The following BRWD1 variants were observed in gnomAD, a reference collection of about 807,000 sequenced individuals.
The protein encoded by BRWD1 is bromodomain and WD repeat-containing protein 1.
A neutral mutation model predicts 251.2 loss-of-function variants in BRWD1; 82 were observed. The observed-to-expected ratio is 0.33, with a 90% CI of 0.27 to 0.39. The LOEUF (loss-of-function observed/expected upper bound fraction) is 0.39. Among genes scored for constraint, BRWD1 ranks in the 10% least tolerant of loss-of-function variants. The pLI is 1.00. For synonymous variants in BRWD1, 918 were observed against 902.8 expected (o/e 1.02, Z -0.30); for missense variants, 2,233 against 2,711.6 (o/e 0.82, Z 3.92).
At chr21:39,290,655 A>G (rs1568958942) in intron 8 of BRWD1, among the ~76,000 whole-genome samples, 1 of 152,222 alleles carries the variant, frequency 6.6e-6, no homozygotes. Context: ...GCACTCTCTC[A>G]AAGTATAAAT....
chr21:39,184,697 AAAGT>A (rs1320098602), downstream of BRWD1: 2 of 152,260 alleles, frequency 1.3e-5, no homozygotes, highest in African/African-American at 2.4e-5. Context: ...CTGCAAAAAT[AAAGT>A]GAGTTTGGAA....
chr21:39,286,669 C>T (rs1038376439), intron 8 of BRWD1, among the ~76,000 whole-genome samples: 1 of 152,012 alleles, frequency 6.6e-6, no homozygotes, highest in Non-Finnish European at 1.5e-5. Flanking sequence ...TGCCCGCCAC[C>T]ATGCCCGGCT....
chr21:39,192,498 C>T lies in BRWD1; in HGVS notation c.*3761G>A. The T allele has an allele frequency of 2.0e-6, 2 of 985,114 alleles. No homozygotes were observed. The highest frequency in any genetic ancestry group is 2.4e-6 in the Non-Finnish European group (2 of 829,708). The allele number at this position is 985,114 out of a possible 1,614,324, so 61.0% of individuals were successfully genotyped here. A position where few individuals can be genotyped will look rare whatever the true frequency, so the allele number is the denominator to read the frequency against. On this transcript the variant is annotated 3_prime_UTR_variant, in exon 41 of 41. Coordinates refer to ENST00000342449, the MANE Select transcript of BRWD1 (RefSeq NM_033656.4). The stretch of plus-strand genomic sequence containing the variant: ...CAGAAATTCAGAGGTATAACTTCAA[C>T]ATTAACAGGTGAAAAGTTCTACAAT...
intron 11 of BRWD1, among the ~76,000 whole-genome samples, chr21:39,276,478 A>G (rs576229732): frequency 6.6e-6 from 1 of 152,388 alleles, no homozygotes; most frequent in Non-Finnish European, 1.5e-5. Flanking sequence ...AGCAGTATTT[A>G]TAATTACATC....
At chr21:39,203,434 G>GTTTTTTTTT (rs2032210759) in intron 37 of BRWD1, among the ~76,000 whole-genome samples, 6 of 64,284 alleles carry the variant, frequency 9.3e-5, no homozygotes, top group Admixed American at 1.7e-4. Context: ...GCAAGACCCT[G>GTTTTTTTTT]GTTCTTTTTT....
chr21:39,294,785 G>A (rs896185955), intron 7 of BRWD1, among the ~76,000 whole-genome samples: 7 of 152,102 alleles, frequency 4.6e-5, no homozygotes, highest in African/African-American at 1.4e-4. Context: ...AAACAAAAGT[G>A]GTGGGAATAG....
intron 4 of BRWD1, among the ~76,000 whole-genome samples, chr21:39,312,030 C>T (rs1027583660): frequency 1.3e-5 from 2 of 152,142 alleles, no homozygotes; most frequent in East Asian, 1.9e-4. Flanking sequence ...TTCCTTTATC[C>T]TAATAACGAA....
At chr21:39,242,259 T>C (rs2034029319) in intron 21 of BRWD1, among the ~76,000 whole-genome samples, 2 of 152,138 alleles carry the variant, frequency 1.3e-5, no homozygotes, top group Admixed American at 6.5e-5. Context: ...GAAAGCAAAA[T>C]AGCCATACGG....
rs750010390 is a variant in BRWD1 at position 39,298,602 on chromosome 21, T to C, written c.199-20A>G. The C allele has an allele frequency of 1.2e-5, 19 of 1,563,434 alleles. No homozygotes were observed. The African/African-American group carries it at 2.6e-4, about 22-fold the overall frequency. On this transcript the variant is annotated intron_variant, in intron 4 of 40. Transcript: ENST00000342449. ...CAAGACCTAGTTGGAGAGCAAGTTTTAATGACAACAGCTTAATAATATCAA... is the reference window on the plus strand; with the variant it reads ...CAAGACCTAGTTGGAGAGCAAGTTTCAATGACAACAGCTTAATAATATCAA...
At chr21:39,221,948 G>T (rs887727915) in intron 29 of BRWD1, among the ~76,000 whole-genome samples, 3 of 151,132 alleles carry the variant, frequency 2.0e-5, no homozygotes, top group Non-Finnish European at 4.4e-5. Flanking sequence ...TTTCTACAAA[G>T]ATATAAAAAT....
intron 4 of BRWD1, among the ~76,000 whole-genome samples, chr21:39,308,909 G>C (rs2036375715): frequency 6.6e-6 from 1 of 152,010 alleles, no homozygotes; most frequent in Non-Finnish European, 1.5e-5. Context: ...GATGCGGTGA[G>C]TCACACCTAT....
chr21:39,298,472 T>A lies in BRWD1; in HGVS notation c.309A>T (p.Leu103Phe). Residue 103 changes from leucine (L) to phenylalanine (F), a missense_variant, in exon 5 of 41, where the codon TTA becomes TTT. Coordinates refer to ENST00000342449, the MANE Select transcript of BRWD1 (RefSeq NM_033656.4). ...IPPSISRVTS[L>F]LGAGRQSLLR... is the part of the protein sequence containing the mutation. Reference sequence around the variant, plus strand: ...GCAAAGACTGCCTTCCTGCACCAAGTAAAGAAGTGACTCTTGAAATACTGG... The same window carrying A: ...GCAAAGACTGCCTTCCTGCACCAAGAAAAGAAGTGACTCTTGAAATACTGG... The A allele has an allele frequency of 6.2e-7, 1 of 1,609,248 alleles. No homozygotes were observed. Among genetic ancestry groups the A allele is most frequent in the South Asian group, 1.1e-5 (1 of 90,184 alleles).
At chr21:39,289,840 C>T (rs972651738) in intron 8 of BRWD1, among the ~76,000 whole-genome samples, 6 of 151,652 alleles carry the variant, frequency 4.0e-5, no homozygotes, top group South Asian at 4.2e-4. Context: ...TTGGCTAACA[C>T]GGTGAAACCT....
rs1400184967 is a variant in BRWD1 at position 39,185,765 on chromosome 21, A to T, written c.*10494T>A. ...GAAATAGAAAACCCTAGGTTTCTGT[A>T]GTTTAGTTTTTCAGATTTACACATG... On this transcript the variant is annotated 3_prime_UTR_variant, in exon 41 of 41. Coordinates refer to ENST00000342449, the MANE Select transcript of BRWD1 (RefSeq NM_033656.4). The T allele has an allele frequency of 6.6e-6, 1 of 152,080 alleles. No homozygotes were observed. The highest frequency in any genetic ancestry group is 2.4e-5 in the African/African-American group (1 of 41,432). The allele number at this position is 152,080 out of a possible 1,614,324, so 9.4% of individuals were successfully genotyped here. A position where few individuals can be genotyped will look rare whatever the true frequency, so the allele number is the denominator to read the frequency against.
In BRWD1 at chr21:39,247,851, T is replaced by C. The variant is rs1375119795; in HGVS notation, c.2350-19A>G. 3 of 1,580,298 alleles carry C rather than the reference T, an allele frequency of 1.9e-6. No individual in the cohort carries two copies. Among genetic ancestry groups the C allele is most frequent in the Admixed American group, 1.9e-5 (1 of 54,002 alleles). On this transcript the variant is annotated intron_variant, in intron 20 of 40. Transcript: ENST00000342449. ...AATCCGACTGAAACACAGAAAAACA[T>C]GCGAATGAAAATCAACACCTAAATA...
chr21:39,313,001 C>T, intron 3 of BRWD1, 71 bp downstream of exon 3: 2 of 1,050,250 alleles, frequency 1.9e-6, no homozygotes, highest in Non-Finnish European at 2.3e-6. Context: ...GCGGGGGGCG[C>T]GGGCGAGCAT....
chr21:39,261,779 AAAAG>A (rs975788813), intron 17 of BRWD1, among the ~76,000 whole-genome samples: 1 of 152,190 alleles, frequency 6.6e-6, no homozygotes, highest in African/African-American at 2.4e-5. Flanking sequence ...GAAGAAAAAA[AAAAG>A]AAAAAGGAAA....
rs1402617486 is a variant in BRWD1, at chr21:39,193,599, A to G, written c.*2660T>C. On this transcript the variant is annotated 3_prime_UTR_variant, in exon 41 of 41. Coordinates refer to ENST00000342449, the MANE Select transcript of BRWD1 (RefSeq NM_033656.4). Reference sequence around the variant, plus strand: ...CATAGGACTTTGGACATACACAACCAAAGTAGTTTTTGTTTTTCACATACA... The same window carrying G: ...CATAGGACTTTGGACATACACAACCGAAGTAGTTTTTGTTTTTCACATACA... 2 of 985,446 alleles carry G rather than the reference A, an allele frequency of 2.0e-6. No individual in the cohort carries two copies. The highest frequency in any genetic ancestry group is 2.4e-6 in the Non-Finnish European group (2 of 829,742). 61.0% of individuals were successfully genotyped at this position (985,446 alleles called of 1,614,324 possible).
At chr21:39,197,651 CCT>C (rs1336850534) in intron 40 of BRWD1, among the ~76,000 whole-genome samples, 3 of 152,092 alleles carry the variant, frequency 2.0e-5, no homozygotes, top group Admixed American at 2.0e-4. Context: ...CTTACACAAA[CCT>C]TACAGTACAC....
Sources: gnomAD v4.1 joint callset for allele counts (sites outside exome capture counted in the v4.1 genomes callset) on GRCh38, gnomAD v4.1.1 for gene constraint, MANE v1.5 for transcripts, NCBI Gene and HGNC (gene_info 2026-07-23, HGNC 2026-07-21) for gene names.